MGME1: variants seen among roughly 807,000 people sequenced by gnomAD.
The protein encoded by MGME1 is chromosome 20 open reading frame 72.
In MGME1, 22 loss-of-function variants were observed where a neutral mutation model predicts 33.0. The observed-to-expected ratio is 0.67, with a 90% CI of 0.48 to 0.95. The LOEUF is 0.95. Among genes scored for constraint, MGME1 ranks in the 40% least tolerant of loss-of-function variants. MGME1 has a pLI of 0.00. For missense variants in MGME1, 383 were observed against 397.8 expected (o/e 0.96, Z 0.32); for synonymous variants, 133 against 144.0 (o/e 0.92, Z 0.55).
chr20:17,968,914 G>A (rs1312437964), upstream of MGME1: 9 of 158,800 alleles, frequency 5.7e-5, 1 homozygote, highest in East Asian at 1.9e-4. Flanking sequence ...CCGCGCTTCG[G>A]AGACGCCGGC....
chr20:17,977,562 A>G (rs2035900160), intron 3 of MGME1, among the ~76,000 whole-genome samples: 1 of 152,116 alleles, frequency 6.6e-6, no homozygotes. Context: ...TATATAAGAT[A>G]AAAAAAGAGA....
chr20:17,979,031 G>C (rs2035937682), intron 3 of MGME1, among the ~76,000 whole-genome samples: 1 of 151,976 alleles, frequency 6.6e-6, no homozygotes, highest in Admixed American at 6.6e-5. Context: ...GCCCGCCTCA[G>C]CCTCCCAAAG....
In MGME1 at chr20:17,975,876, G is replaced by A; in HGVS notation, c.704G>A (p.Gly235Asp). 1 of 1,614,010 alleles carries A rather than the reference G, an allele frequency of 6.2e-7. No homozygotes were observed. The highest frequency in any genetic ancestry group is 8.5e-7 in the Non-Finnish European group (1 of 1,179,932). ...AVQHETLNYI[G>D]LLDCVAEYQG... is the part of the protein sequence containing the mutation. ...CAACATGAAACCTTAAACTATATAG[G>A]TCTGCTGGACTGTGTGGCTGAGTAT... is the stretch of plus-strand genomic sequence containing the variant. Residue 235 changes from glycine to aspartate, a missense_variant, in exon 3 of 5, where the codon GGT (glycine) becomes GAT (aspartate). By Grantham distance (94) the Gly-to-Asp change is moderately conservative. Transcript: ENST00000377710.
intron 3 of MGME1, among the ~76,000 whole-genome samples, chr20:17,979,333 T>C (rs567109985): frequency 3.3e-5 from 5 of 151,540 alleles, no homozygotes; most frequent in Admixed American, 3.3e-4. Context: ...CCTGTCTCCG[T>C]CTCCCAAAGT....
intron 1 of MGME1, 82 bp from the exon 2 acceptor site, chr20:17,969,719 C>G (rs1229303508): frequency 4.6e-6 from 4 of 861,792 alleles, no homozygotes; most frequent in Non-Finnish European, 7.0e-6. Context: ...TCTGTCCAAA[C>G]ATGTCGAAAA....
intron 3 of MGME1, among the ~76,000 whole-genome samples, chr20:17,981,675 G>GTA (rs964655654): frequency 6.0e-5 from 9 of 150,694 alleles, no homozygotes; most frequent in Admixed American, 4.6e-4. Context: ...GTGTGTGTGT[G>GTA]TGTGTGTGTG....
chr20:17,991,112 T>G lies in MGME1; in HGVS notation c.*1003T>G, dbSNP rs1245875583. On this transcript the variant is annotated 3_prime_UTR_variant, in exon 5 of 5. Coordinates refer to ENST00000377710, the MANE Select transcript of MGME1 (RefSeq NM_052865.4). The stretch of plus-strand genomic sequence containing the variant: ...TTCATAAGAAATAAAATACAAGATA[T>G]GAGTAATGAAGCTTTGGTTTTGTTT... The G allele has an allele frequency of 6.6e-6, 1 of 152,210 alleles. No homozygotes were observed. Among genetic ancestry groups the G allele is most frequent in the African/African-American group, 2.4e-5 (1 of 41,448 alleles). The allele number at this position is 152,210 out of a possible 1,614,324, so 9.4% of individuals were successfully genotyped here.
intron 4 of MGME1, 33 bp from the exon 5 acceptor site, chr20:17,989,906 G>A (rs1391045504): frequency 6.2e-6 from 10 of 1,605,530 alleles, no homozygotes; most frequent in Non-Finnish European, 8.5e-6. Flanking sequence ...ACCTACTGTA[G>A]TGAAACGAGA....
At chr20:17,980,474 A>G (rs921158832) in intron 3 of MGME1, among the ~76,000 whole-genome samples, 48 of 152,220 alleles carry the variant, frequency 3.2e-4, no homozygotes, top group Middle Eastern at 3.4e-3. Flanking sequence ...TTTTTAACAC[A>G]AGATGATATA....
chr20:17,975,864 T>C lies in MGME1; in HGVS notation c.692T>C (p.Leu231Ser), dbSNP rs758792889. The change falls in exon 3 of 5, where the codon TTA becomes TCA. Residue 231 changes from leucine (L) to serine (S), a missense_variant. Transcript: ENST00000377710. ...ALESAVQHET[L>S]NYIGLLDCVA... ...GAAAGTGCTGTTCAACATGAAACCTTAAACTATATAGGTCTGCTGGACTGT... is the reference window on the plus strand; with the variant it reads ...GAAAGTGCTGTTCAACATGAAACCTCAAACTATATAGGTCTGCTGGACTGT... 1.1e-5 allele frequency: 17 copies of C among 1,613,964 alleles called. No homozygotes were observed. The highest frequency in any genetic ancestry group is 1.7e-5 in the Admixed American group (1 of 59,992).
At chr20:17,988,820 T>G (rs977801653) in intron 4 of MGME1, among the ~76,000 whole-genome samples, 4 of 152,116 alleles carry the variant, frequency 2.6e-5, no homozygotes, top group Non-Finnish European at 5.9e-5. Context: ...AAGCACTTTT[T>G]GGCTGGGCAC....
intron 4 of MGME1, among the ~76,000 whole-genome samples, chr20:17,988,800 C>G (rs965817893): frequency 2.0e-5 from 3 of 151,816 alleles, no homozygotes; most frequent in Non-Finnish European, 4.4e-5. Context: ...TGTTCCTTTC[C>G]CACTTAAAAA....
At chr20:17,986,032 AT>A (rs73617218) in intron 3 of MGME1, among the ~76,000 whole-genome samples, 42,427 of 147,232 alleles carry the variant, frequency 0.29, 6,611 homozygotes, top group African/African-American at 0.44. Context: ...TAATTTTAGG[AT>A]TTTTTTTTTT....
chr20:17,969,834 A>C lies in MGME1; in HGVS notation c.-26A>C, dbSNP rs1055979814. On this transcript the variant is annotated 5_prime_UTR_variant, in exon 2 of 5. Coordinates refer to ENST00000377710, the MANE Select transcript of MGME1 (RefSeq NM_052865.4). ...ACATAAAGGCCTTCGACCGTTGCAA[A>C]TAGACTAAAGTGAAAACAAATCTGA... 9 of 1,577,954 alleles carry C rather than the reference A, an allele frequency of 5.7e-6. No individual in the cohort carries two copies. The highest frequency in any genetic ancestry group is 7.7e-6 in the Non-Finnish European group (9 of 1,165,950).
At chr20:17,968,888 C>T (rs574410401), upstream of MGME1, 1 of 160,704 alleles carries the variant, frequency 6.2e-6, no homozygotes, top group Non-Finnish European at 1.4e-5. Context: ...AGCAGAAGGG[C>T]GCGATTTGGA....
intron 2 of MGME1, among the ~76,000 whole-genome samples, chr20:17,971,251 C>T (rs1466371558): frequency 6.6e-6 from 1 of 152,148 alleles, no homozygotes; most frequent in East Asian, 1.9e-4. Flanking sequence ...AAGAAAAATA[C>T]TAAGTATATA....
intron 3 of MGME1, among the ~76,000 whole-genome samples, chr20:17,987,745 A>T (rs1037289319): frequency 6.6e-6 from 1 of 152,226 alleles, no homozygotes; most frequent in Non-Finnish European, 1.5e-5. Context: ...TTTGAAATTG[A>T]AGTCATGAAA....
rs369055985 is a variant in MGME1, at chr20:17,990,005, G to A, written c.931G>A (p.Ala311Thr). 6.2e-7 allele frequency: 1 copy of A among 1,614,144 alleles called. No individual in the cohort carries two copies. The highest frequency in any genetic ancestry group is 1.1e-5 in the South Asian group (1 of 91,088). Residue 311 changes from alanine to threonine, a missense_variant, in exon 5 of 5, where the codon GCA becomes ACA. Ala to Thr is a moderately conservative substitution (Grantham distance 58, BLOSUM62 0). Coordinates refer to ENST00000377710, the MANE Select transcript of MGME1 (RefSeq NM_052865.4). Reference sequence around the variant, plus strand: ...ACCTGCCCACCCACATTTCATGGATGCAGAGCTCTGTTCCCAGTACTGGAC... The same window carrying A: ...ACCTGCCCACCCACATTTCATGGATACAGAGCTCTGTTCCCAGTACTGGAC... ...GSPAHPHFMDAELCSQYWTKW... is the reference protein window; with the variant it reads ...GSPAHPHFMDTELCSQYWTKW...
At chr20:17,983,010 G>A (rs2036062588) in intron 3 of MGME1, among the ~76,000 whole-genome samples, 1 of 151,924 alleles carries the variant, frequency 6.6e-6, no homozygotes, top group Admixed American at 6.6e-5. Flanking sequence ...TTATTCTTCT[G>A]ACCTAACTGA....
Sources: gnomAD v4.1 joint callset for allele counts (sites outside exome capture counted in the v4.1 genomes callset) on GRCh38, gnomAD v4.1.1 for gene constraint, MANE v1.5 for transcripts, NCBI Gene and HGNC (gene_info 2026-07-23, HGNC 2026-07-21) for gene names.